Variants in GULP1 observed in about 807,000 individuals in gnomAD.
The protein encoded by GULP1 is PTB domain-containing engulfment adapter protein 1.
GULP1 carries 19 observed loss-of-function variants against 40.9 expected under a neutral mutation model. The observed-to-expected ratio is 0.46, with a 90% CI of 0.32 to 0.68. The LOEUF (loss-of-function observed/expected upper bound fraction) is 0.68. GULP1 is among the 30% of genes least tolerant of loss of function. The probability of loss-of-function intolerance (pLI) is 0.03; values close to 1 mark genes in which losing one functional copy is unlikely to be tolerated. For missense variants in GULP1, 312 were observed against 362.2 expected, an observed-to-expected ratio of 0.86 and a Z score of 1.12; for synonymous variants, 119 against 117.6, an observed-to-expected ratio of 1.01 and a Z score of -0.08.
chr2:188,305,710 T>A (rs1559090949), intron 1 of GULP1, among the ~76,000 whole-genome samples: 1 of 152,234 alleles, frequency 6.6e-6, no homozygotes, highest in Non-Finnish European at 1.5e-5. Context: ...CTTTGACTTT[T>A]GCCTGATTTG....
chr2:188,494,379 C>T (rs570956201), intron 4 of GULP1, among the ~76,000 whole-genome samples: 8 of 152,022 alleles, frequency 5.3e-5, no homozygotes, highest in South Asian at 2.1e-4. Flanking sequence ...GATGAAACAG[C>T]GGATTTTTTC....
intron 3 of GULP1, among the ~76,000 whole-genome samples, chr2:188,482,207 A>G (rs2061495533): frequency 6.6e-6 from 1 of 151,952 alleles, no homozygotes; most frequent in African/African-American, 2.4e-5. Context: ...AATACAGTGC[A>G]TTATTATTCA....
intron 4 of GULP1, among the ~76,000 whole-genome samples, chr2:188,493,570 G>A (rs541385827): frequency 6.6e-6 from 1 of 151,964 alleles, no homozygotes; most frequent in South Asian, 2.1e-4. Flanking sequence ...CTAAACTCCA[G>A]ACCCAAACAT....
intron 7 of GULP1, among the ~76,000 whole-genome samples, chr2:188,550,466 C>T (rs1056809120): frequency 4.9e-5 from 7 of 143,646 alleles, no homozygotes; most frequent in Admixed American, 2.2e-4. Flanking sequence ...ATAAATATAC[C>T]TTATTTGCTG....
intron 2 of GULP1, among the ~76,000 whole-genome samples, chr2:188,444,010 C>T (rs2058172232): frequency 6.6e-6 from 1 of 152,032 alleles, no homozygotes; most frequent in African/African-American, 2.4e-5. Context: ...TCCACTGTGG[C>T]ATCCTATTTT....
intron 2 of GULP1, among the ~76,000 whole-genome samples, chr2:188,411,937 G>T (rs531262471): frequency 6.6e-6 from 1 of 152,274 alleles, no homozygotes; most frequent in Non-Finnish European, 1.5e-5. Flanking sequence ...AGAACCATCT[G>T]TAAACCAGGC....
At chr2:188,308,012 T>C (rs2037404613) in intron 1 of GULP1, among the ~76,000 whole-genome samples, 1 of 63,896 alleles carries the variant, frequency 1.6e-5, no homozygotes, top group African/African-American at 5.5e-5. Flanking sequence ...ATGAGTACAT[T>C]ATAAACTGGG....
At chr2:188,530,116 GT>G (rs547161145) in intron 6 of GULP1, among the ~76,000 whole-genome samples, 69 of 152,208 alleles carry the variant, frequency 4.5e-4, no homozygotes, top group African/African-American at 1.6e-3. Flanking sequence ...TTAGCTATGT[GT>G]TATACTTCCA....
intron 7 of GULP1, among the ~76,000 whole-genome samples, chr2:188,561,582 G>C (rs1196317456): frequency 6.6e-6 from 1 of 152,146 alleles, no homozygotes; most frequent in Non-Finnish European, 1.5e-5. Context: ...GCTAAGTCCT[G>C]GGGTCTGTGC....
intron 9 of GULP1, chr2:188,582,444 C>A (rs772830719): frequency 1.9e-5 from 9 of 471,580 alleles, no homozygotes; most frequent in Non-Finnish European, 3.1e-5. Context: ...AATATTTCTT[C>A]CATCTCTGTC....
At chr2:188,372,303 A>G (rs1017811484) in intron 1 of GULP1, among the ~76,000 whole-genome samples, 2 of 152,110 alleles carry the variant, frequency 1.3e-5, no homozygotes, top group Non-Finnish European at 2.9e-5. Flanking sequence ...GATTCAGAGC[A>G]TTGGGAAGAT....
At chr2:188,489,013 AT>A (rs1330430641) in intron 4 of GULP1, among the ~76,000 whole-genome samples, 3 of 152,022 alleles carry the variant, frequency 2.0e-5, no homozygotes, top group Admixed American at 1.3e-4. Flanking sequence ...ATAAAAAAAA[AT>A]AATTTTACTA....
At chr2:188,416,629 T>C (rs550102228) in intron 2 of GULP1, among the ~76,000 whole-genome samples, 1 of 152,288 alleles carries the variant, frequency 6.6e-6, no homozygotes, top group African/African-American at 2.4e-5. Context: ...ATCAGAACCT[T>C]GGCATGGATC....
intron 2 of GULP1, among the ~76,000 whole-genome samples, chr2:188,457,375 T>C (rs564674788): frequency 4.6e-5 from 7 of 152,270 alleles, no homozygotes; most frequent in Admixed American, 2.6e-4. Flanking sequence ...TGGGGGTGGC[T>C]CTTTTCTGTG....
In GULP1 at chr2:188,345,254, G is replaced by A. The variant is rs80178983; in HGVS notation, c.-171-38509G>A. Among the ~76,000 whole-genome samples the A allele has an allele frequency of 3.3e-3, 509 of 152,230 alleles. 18 individuals carry two copies. The East Asian group carries it at 0.058, about 17-fold the overall frequency. ...TTAGCAACACACCACTCTCCTAAGC[G>A]TTTTGCACTATCTGCCAGTTGCTCC... On this transcript the variant is annotated intron_variant, in intron 1 of 11. Coordinates refer to ENST00000409830, the MANE Select transcript of GULP1 (RefSeq NM_016315.4).
At chr2:188,386,298 A>G (rs2049734902) in intron 2 of GULP1, among the ~76,000 whole-genome samples, 1 of 152,100 alleles carries the variant, frequency 6.6e-6, no homozygotes, top group Non-Finnish European at 1.5e-5. Context: ...CCCACTCACT[A>G]TCATGAGAAC....
At chr2:188,563,990 A>G (rs1158662633) in intron 7 of GULP1, among the ~76,000 whole-genome samples, 1 of 152,010 alleles carries the variant, frequency 6.6e-6, no homozygotes, top group Non-Finnish European at 1.5e-5. Flanking sequence ...AAATCAATCA[A>G]CGTAATACAA....
intron 1 of GULP1, among the ~76,000 whole-genome samples, chr2:188,315,231 G>C (rs1181519073): frequency 6.6e-6 from 1 of 152,152 alleles, no homozygotes; most frequent in Non-Finnish European, 1.5e-5. Context: ...AGTTATGGCT[G>C]CAGTGCATGA....
intron 4 of GULP1, among the ~76,000 whole-genome samples, chr2:188,519,174 T>C (rs1016294854): frequency 1.2e-4 from 19 of 152,184 alleles, no homozygotes; most frequent in African/African-American, 4.6e-4. Context: ...TTAAGATATA[T>C]TTTAATTTAA....
Sources: gnomAD v4.1 joint callset for allele counts (sites outside exome capture counted in the v4.1 genomes callset) on GRCh38, gnomAD v4.1.1 for gene constraint, MANE v1.5 for transcripts, NCBI Gene and HGNC (gene_info 2026-07-23, HGNC 2026-07-21) for gene names.